The following NEGR1 variants were observed in gnomAD, a reference collection of about 807,000 sequenced individuals.
NEGR1 encodes the protein IgLON family member 4.
Under a neutral mutation model 40.9 loss-of-function variants are expected in NEGR1, and 10 were observed. The observed-to-expected ratio is 0.24, with a 90% CI of 0.15 to 0.42. NEGR1 has a LOEUF of 0.42. Among genes scored for constraint, NEGR1 ranks in the 10% least tolerant of loss-of-function variants. The pLI is 1.00. For synonymous variants in NEGR1, 185 were observed against 166.8 expected, an observed-to-expected ratio of 1.11 and a Z score of -0.84; for missense variants, 352 against 438.9, an observed-to-expected ratio of 0.80 and a Z score of 1.77.
intron 3 of NEGR1, among the ~76,000 whole-genome samples, chr1:71,705,195 G>A (rs969616041): frequency 3.4e-4 from 52 of 152,118 alleles, no homozygotes; most frequent in African/African-American, 1.1e-3. Flanking sequence ...GAGGATGAAG[G>A]CAAGGTTATC....
intron 6 of NEGR1, among the ~76,000 whole-genome samples, chr1:71,591,546 C>T (rs1363801403): frequency 6.6e-6 from 1 of 151,958 alleles, no homozygotes; most frequent in Non-Finnish European, 1.5e-5. Context: ...AAAGAAGTAT[C>T]AATATTTACA....
chr1:72,013,730 T>C (rs1298123209), intron 1 of NEGR1, among the ~76,000 whole-genome samples: 1 of 151,836 alleles, frequency 6.6e-6, no homozygotes, highest in Non-Finnish European at 1.5e-5. Context: ...TTGATGTAGT[T>C]AAAAAACTTT....
intron 4 of NEGR1, among the ~76,000 whole-genome samples, chr1:71,679,429 T>C (rs1380463707): frequency 6.6e-6 from 1 of 152,172 alleles, no homozygotes; most frequent in Non-Finnish European, 1.5e-5. Context: ...ATCTTTTTTA[T>C]AAAAGATTTG....
chr1:72,232,042 AG>A (rs1489072287), intron 1 of NEGR1, among the ~76,000 whole-genome samples: 1 of 152,100 alleles, frequency 6.6e-6, no homozygotes, highest in East Asian at 1.9e-4. Flanking sequence ...TTCTTAGAGT[AG>A]CCTTGGAATC....
chr1:71,506,997 G>T (rs1312713263), intron 6 of NEGR1, among the ~76,000 whole-genome samples: 1 of 152,174 alleles, frequency 6.6e-6, no homozygotes, highest in Admixed American at 6.5e-5. Context: ...TGTGCCTATG[G>T]AGTGGTACAC....
chr1:72,075,738 A>T (rs1010971386), intron 1 of NEGR1, among the ~76,000 whole-genome samples: 1 of 152,190 alleles, frequency 6.6e-6, no homozygotes, highest in African/African-American at 2.4e-5. Context: ...ACATGCTGGA[A>T]AGTGGAAATG....
intron 6 of NEGR1, among the ~76,000 whole-genome samples, chr1:71,474,717 CAA>C (rs56219737): frequency 0.45 from 38,697 of 86,678 alleles, 5,680 homozygotes; most frequent in South Asian, 0.54. Flanking sequence ...GACTCTATCT[CAA>C]AAAAAAAAAA....
At chr1:71,449,134 C>G (rs1405181432) in intron 6 of NEGR1, among the ~76,000 whole-genome samples, 1 of 152,100 alleles carries the variant, frequency 6.6e-6, no homozygotes, top group African/African-American at 2.4e-5. Context: ...CTCTGTGAAC[C>G]CTAAGCTGAT....
chr1:71,666,098 C>T (rs987517360), intron 4 of NEGR1, among the ~76,000 whole-genome samples: 2 of 152,156 alleles, frequency 1.3e-5, no homozygotes, highest in African/African-American at 4.8e-5. Context: ...TAAACACTAT[C>T]ACTGTTCCTC....
At chr1:71,495,077 T>A (rs919622225) in intron 6 of NEGR1, among the ~76,000 whole-genome samples, 2 of 152,210 alleles carry the variant, frequency 1.3e-5, no homozygotes. Flanking sequence ...CAAAATACAG[T>A]ATCTAACACA....
rs1381808467 is a variant in NEGR1 at position 72,060,980 on chromosome 1, A to AT, written c.177-125670dup. 4.0e-5 allele frequency among the ~76,000 whole-genome samples: 6 copies of AT among 151,540 alleles called. No homozygotes were observed. The East Asian group carries it at 1.2e-3, about 30-fold the overall frequency. On this transcript the variant is annotated intron_variant, in intron 1 of 6. Transcript: ENST00000357731. ...AATATTCGAACTACTCCAAAACTGT[A>AT]TTTTTTGCTGAGCACAAGTTTTAGT...
intron 2 of NEGR1, among the ~76,000 whole-genome samples, chr1:71,794,047 T>C (rs2101739189): frequency 6.6e-6 from 1 of 152,172 alleles, no homozygotes; most frequent in Middle Eastern, 3.4e-3. Flanking sequence ...TTCAATAAGA[T>C]TTAGAAATAA....
rs568896067 is a variant in NEGR1 at position 71,969,480 on chromosome 1, C to A, written c.177-34169G>T. On this transcript the variant is annotated intron_variant, in intron 1 of 6. Transcript: ENST00000357731. ...ATGGGTAAATTTAGGTTCTGTGCAA[C>A]CCCAGGATGCATGCAGTCAAAGGCC... Among the ~76,000 whole-genome samples, 3 of 152,290 alleles carry A rather than the reference C, an allele frequency of 2.0e-5. No homozygotes were observed. In the East Asian group the frequency reaches 5.8e-4, roughly 29 times the overall value.
intron 1 of NEGR1, among the ~76,000 whole-genome samples, chr1:72,083,255 T>C (rs540589731): frequency 6.6e-6 from 1 of 152,032 alleles, no homozygotes; most frequent in Non-Finnish European, 1.5e-5. Context: ...CATCCCTTCC[T>C]GCCTGCCTGC....
chr1:72,256,042 T>C (rs1183826598), intron 1 of NEGR1, among the ~76,000 whole-genome samples: 1 of 152,202 alleles, frequency 6.6e-6, no homozygotes, highest in Non-Finnish European at 1.5e-5. Flanking sequence ...CACTCATTAA[T>C]AAAAATATTA....
chr1:71,632,612 GCAC>G (rs912872920), intron 4 of NEGR1, among the ~76,000 whole-genome samples: 5 of 151,102 alleles, frequency 3.3e-5, no homozygotes, highest in Non-Finnish European at 5.9e-5. Flanking sequence ...GCATATTATA[GCAC>G]CACTATTAAT....
intron 2 of NEGR1, among the ~76,000 whole-genome samples, chr1:71,920,849 C>T (rs183968176): frequency 6.4e-4 from 97 of 152,258 alleles, no homozygotes; most frequent in African/African-American, 1.9e-3. Flanking sequence ...TATATAATCA[C>T]AGCTCTACAG....
chr1:72,211,770 T>G, intron 1 of NEGR1, among the ~76,000 whole-genome samples: 1 of 151,846 alleles, frequency 6.6e-6, no homozygotes, highest in East Asian at 1.9e-4. Flanking sequence ...TCTAAATTTT[T>G]TTTTAAGAAT....
intron 1 of NEGR1, among the ~76,000 whole-genome samples, chr1:72,233,663 A>G (rs940872502): frequency 2.0e-5 from 3 of 152,172 alleles, no homozygotes; most frequent in Non-Finnish European, 4.4e-5. Context: ...TAGGATGTAT[A>G]CATACCACAT....
Sources: gnomAD v4.1 joint callset for allele counts (sites outside exome capture counted in the v4.1 genomes callset) on GRCh38, gnomAD v4.1.1 for gene constraint, MANE v1.5 for transcripts, NCBI Gene and HGNC (gene_info 2026-07-23, HGNC 2026-07-21) for gene names.